The following XKR6 variants were observed in gnomAD, a reference collection of about 807,000 sequenced individuals.
XKR6 encodes XK-related protein 6.
Under a neutral mutation model 56.7 loss-of-function variants are expected in XKR6, and 22 were observed. That is an observed-to-expected ratio of 0.39 (90% CI 0.28 to 0.55). The LOEUF is 0.55. Among genes scored for constraint, XKR6 ranks in the 20% least tolerant of loss-of-function variants. The pLI is 0.66. For missense variants in XKR6, 852 were observed against 889.0 expected (o/e 0.96, Z 0.53); for synonymous variants, 524 against 387.8 (o/e 1.35, Z -4.13).
At chr8:10,955,185 T>C (rs1423114319) in intron 1 of XKR6, among the ~76,000 whole-genome samples, 3 of 151,992 alleles carry the variant, frequency 2.0e-5, no homozygotes, top group African/African-American at 7.3e-5. Flanking sequence ...TTCATTCTTT[T>C]GCATGTGGAT....
intron 1 of XKR6, chr8:11,111,823 A>C (rs536460828): frequency 6.6e-6 from 1 of 152,282 alleles, no homozygotes; most frequent in African/African-American, 2.4e-5. Flanking sequence ...AGAGTTCCTA[A>C]ATATGTCCAA....
intron 1 of XKR6, among the ~76,000 whole-genome samples, chr8:11,007,566 C>T (rs564881036): frequency 1.3e-5 from 2 of 152,282 alleles, no homozygotes; most frequent in African/African-American, 4.8e-5. Flanking sequence ...TGATGAGTCA[C>T]GTGCAGCACA....
At chr8:11,137,588 T>C (rs967419710) in intron 1 of XKR6, 1 of 456,248 alleles carries the variant, frequency 2.2e-6, no homozygotes, top group South Asian at 1.5e-5. Flanking sequence ...AGAAGTTCTC[T>C]TTAGAACCAG....
chr8:11,173,485 C>G (rs1314767593), intron 1 of XKR6, among the ~76,000 whole-genome samples: 1 of 151,884 alleles, frequency 6.6e-6, no homozygotes, highest in Non-Finnish European at 1.5e-5. Context: ...ATCGTCAGAA[C>G]ATGATTCTGG....
chr8:11,078,140 G>T (rs1238804052), intron 1 of XKR6, among the ~76,000 whole-genome samples: 1 of 152,248 alleles, frequency 6.6e-6, no homozygotes, highest in Non-Finnish European at 1.5e-5. Context: ...GTCTCATGGA[G>T]TGTACTGGGA....
intron 1 of XKR6, among the ~76,000 whole-genome samples, chr8:11,134,273 T>C (rs1800269998): frequency 6.6e-6 from 1 of 152,184 alleles, no homozygotes; most frequent in Non-Finnish European, 1.5e-5. Context: ...CTGGATTACC[T>C]CCCTTTCCAT....
intron 2 of XKR6, among the ~76,000 whole-genome samples, chr8:10,909,462 GT>G (rs1368612230): frequency 2.6e-5 from 4 of 152,078 alleles, no homozygotes; most frequent in African/African-American, 9.7e-5. Flanking sequence ...CCTGCTTTTG[GT>G]TTTTTATTTC....
chr8:11,140,072 G>C (rs74552165), intron 1 of XKR6, among the ~76,000 whole-genome samples: 40 of 151,160 alleles, frequency 2.6e-4, no homozygotes, highest in Admixed American at 2.2e-3. Flanking sequence ...ACAAGAACAC[G>C]TAAACACAAA....
intron 1 of XKR6, among the ~76,000 whole-genome samples, chr8:11,142,863 T>C (rs1268361737): frequency 2.0e-5 from 3 of 152,222 alleles, no homozygotes; most frequent in African/African-American, 7.2e-5. Context: ...TGACAATGAA[T>C]TGTAACTTGT....
rs550337738 is a variant in XKR6 at position 11,024,425 on chromosome 8, G to T, written c.765-99595C>A. Among the ~76,000 whole-genome samples, 3 of 152,208 alleles carry T rather than the reference G, an allele frequency of 2.0e-5. No individual in the cohort carries two copies. The South Asian group carries it at 6.2e-4, about 32-fold the overall frequency. On this transcript the variant is annotated intron_variant, in intron 1 of 2. Coordinates refer to ENST00000416569, the MANE Select transcript of XKR6 (RefSeq NM_173683.4). ...AGCTATGACAGAACCCATGATGTAG[G>T]GATGCTCTAAGATTTAAATAAAGTA...
At chr8:11,151,922 GA>G in intron 1 of XKR6, among the ~76,000 whole-genome samples, 1 of 151,944 alleles carries the variant, frequency 6.6e-6, no homozygotes, top group East Asian at 1.9e-4. Context: ...TGTTGGGAAG[GA>G]AAAAAACAAG....
chr8:10,915,924 A>G (rs1263196275), intron 2 of XKR6, among the ~76,000 whole-genome samples: 2 of 152,164 alleles, frequency 1.3e-5, no homozygotes, highest in Admixed American at 1.3e-4. Flanking sequence ...GTCAAGAGGG[A>G]GTTGGTCCTC....
intron 1 of XKR6, among the ~76,000 whole-genome samples, chr8:11,183,354 A>G (rs917436278): frequency 4.6e-5 from 7 of 152,076 alleles, no homozygotes; most frequent in African/African-American, 1.7e-4. Context: ...ATTTCTCCAC[A>G]TACCTGTTAG....
At chr8:11,122,435 T>C (rs1391172283) in intron 1 of XKR6, among the ~76,000 whole-genome samples, 2 of 152,264 alleles carry the variant, frequency 1.3e-5, no homozygotes, top group Non-Finnish European at 2.9e-5. Flanking sequence ...GGCATAATCA[T>C]GTCAGCATGG....
chr8:10,984,298 A>C (rs1427017029), intron 1 of XKR6, among the ~76,000 whole-genome samples: 1 of 152,204 alleles, frequency 6.6e-6, no homozygotes, highest in Non-Finnish European at 1.5e-5. Context: ...TGTAAAACAT[A>C]ATAAAATTCT....
At chr8:11,087,593 G>T (rs1797932779) in intron 1 of XKR6, among the ~76,000 whole-genome samples, 1 of 152,192 alleles carries the variant, frequency 6.6e-6, no homozygotes, top group Admixed American at 6.5e-5. Context: ...ATGATGACCA[G>T]GAACAATGAA....
chr8:11,096,629 C>A (rs569840576), intron 1 of XKR6, among the ~76,000 whole-genome samples: 1 of 152,188 alleles, frequency 6.6e-6, no homozygotes, highest in Non-Finnish European at 1.5e-5. Context: ...AGTCAAGCAG[C>A]CTTTTCCTGG....
At chr8:11,000,155 G>C (rs1798206131) in intron 1 of XKR6, among the ~76,000 whole-genome samples, 1 of 152,062 alleles carries the variant, frequency 6.6e-6, no homozygotes, top group Non-Finnish European at 1.5e-5. Context: ...TACTGAATAA[G>C]AACCAAGACT....
intron 1 of XKR6, among the ~76,000 whole-genome samples, chr8:10,985,745 C>T (rs559231001): frequency 1.3e-4 from 20 of 152,196 alleles, no homozygotes; most frequent in African/African-American, 3.4e-4. Context: ...TTATAAATTA[C>T]GCAGTCTCTG....
Sources: gnomAD v4.1 joint callset for allele counts (sites outside exome capture counted in the v4.1 genomes callset) on GRCh38, gnomAD v4.1.1 for gene constraint, MANE v1.5 for transcripts, NCBI Gene and HGNC (gene_info 2026-07-23, HGNC 2026-07-21) for gene names.